The following DNAH12 variants were observed in gnomAD, a reference collection of about 807,000 sequenced individuals.
DNAH12 encodes axonemal beta dynein heavy chain 12.
A neutral mutation model predicts 371.5 loss-of-function variants in DNAH12; 285 were observed. The ratio of observed to expected loss-of-function variants is 0.77; its 90% confidence interval spans 0.70 to 0.85. DNAH12 has a LOEUF of 0.85. Ranked by LOEUF, DNAH12 falls within the 40% of genes least tolerant of loss-of-function variation. DNAH12 has a pLI of 0.00. For synonymous variants in DNAH12, 1,200 were observed against 1,213.0 expected (o/e 0.99, Z 0.22); for missense variants, 3,611 against 3,689.4 (o/e 0.98, Z 0.55).
rs2065148117 is a variant in DNAH12, at chr3:57,437,029, T to C, written c.4577A>G (p.Asn1526Ser). ...TTTAACAGGCTGAAGATTATGTACA[T>C]TGCAGGCTTCATGAGCACATTCCAA... ...EFLECAHEAC[N>S]VHNLQPVKFF... The change falls in exon 30 of 74, where the codon AAT becomes AGT. Residue 1526 changes from asparagine (N) to serine (S), a missense_variant. Physicochemically the swap from Asn to Ser is conservative, Grantham distance 46. Transcript: ENST00000495027. 1 of 1,518,648 alleles carries C rather than the reference T, an allele frequency of 6.6e-7. No individual in the cohort carries two copies. The highest frequency in any genetic ancestry group is 8.8e-7 in the Non-Finnish European group (1 of 1,138,618). The allele number at this position is 1,518,648 out of a possible 1,614,324, so 94.1% of individuals were successfully genotyped here. A position where few individuals can be genotyped will look rare whatever the true frequency, so the allele number is the denominator to read the frequency against.
At chr3:57,436,355 TA>T (rs2065125067) in intron 30 of DNAH12, among the ~76,000 whole-genome samples, 2 of 152,188 alleles carry the variant, frequency 1.3e-5, no homozygotes, top group Non-Finnish European at 2.9e-5. Context: ...TCCTGAAGTT[TA>T]AACTCTATTA....
At chr3:57,463,854 G>A (rs1013288125) in intron 17 of DNAH12, among the ~76,000 whole-genome samples, 3 of 151,836 alleles carry the variant, frequency 2.0e-5, no homozygotes, top group African/African-American at 4.8e-5. Flanking sequence ...TGCAACCTCC[G>A]CCTTCTGGAT....
At chr3:57,524,018 C>T (rs1416345748) in intron 2 of DNAH12, 134 bp from the exon 3 acceptor site, 20 of 521,332 alleles carry the variant, frequency 3.8e-5, no homozygotes, top group Non-Finnish European at 6.3e-6. Context: ...TTATGAGAAA[C>T]AAATCCCAAT....
intron 58 of DNAH12, among the ~76,000 whole-genome samples, chr3:57,362,033 C>G (rs1298554240): frequency 6.6e-6 from 1 of 151,036 alleles, no homozygotes; most frequent in African/African-American, 2.4e-5. Context: ...CCCATGACAG[C>G]TCCCAGTGTA....
chr3:57,541,336 G>A lies in DNAH12; in HGVS notation c.170+1365C>T, dbSNP rs1375334706. On this transcript the variant is annotated intron_variant, in intron 2 of 73. Transcript: ENST00000495027. Reference sequence around the variant, plus strand: ...ATTACAGGTGTGAGCCACTGCACCCGGCCTCTCTTTTTCTTTTAAGACTAT... The same window carrying A: ...ATTACAGGTGTGAGCCACTGCACCCAGCCTCTCTTTTTCTTTTAAGACTAT... 1.1e-4 allele frequency among the ~76,000 whole-genome samples: 16 copies of A among 152,062 alleles called. 1 individual carries two copies. The highest frequency in any genetic ancestry group is 5.2e-4 in the Admixed American group (8 of 15,266).
chr3:57,455,003 T>A, intron 22 of DNAH12, 109 bp from the exon 23 acceptor site: 1 of 1,150,160 alleles, frequency 8.7e-7, no homozygotes, highest in Non-Finnish European at 1.2e-6. Context: ...GGCTAGAATG[T>A]CATATAGTCA....
At chr3:57,512,520 G>C (rs1037616052) in intron 4 of DNAH12, 4 of 152,204 alleles carry the variant, frequency 2.6e-5, no homozygotes, top group Admixed American at 6.5e-5. Context: ...CCCTGTGCAA[G>C]GATGGACACA....
rs1055616886 is a variant in DNAH12, at chr3:57,364,573, G to A, written c.9168-787C>T. Among the ~76,000 whole-genome samples the A allele has an allele frequency of 1.6e-4, 24 of 152,010 alleles. No individual in the cohort carries two copies. In the South Asian group the frequency reaches 4.8e-3, roughly 30 times the overall value. On this transcript the variant is annotated intron_variant, in intron 57 of 73. Transcript: ENST00000495027. ...TTATAGGCACAGGCAAAGATTTCAC[G>A]ACAAAAACATCAAAAGCAACTGCAA... is the stretch of plus-strand genomic sequence containing the variant.
chr3:57,318,561 A>C (rs1167340930), intron 65 of DNAH12, among the ~76,000 whole-genome samples: 1 of 152,024 alleles, frequency 6.6e-6, no homozygotes, highest in Non-Finnish European at 1.5e-5. Context: ...CTAAACCCCA[A>C]AACCCAAAAT....
chr3:57,353,979 C>T (rs1364679210), intron 59 of DNAH12, among the ~76,000 whole-genome samples: 1 of 152,138 alleles, frequency 6.6e-6, no homozygotes, highest in Non-Finnish European at 1.5e-5. Flanking sequence ...TCTCAAAGAA[C>T]TTAAAACAGA....
At chr3:57,415,978 G>T (rs1001448074) in intron 37 of DNAH12, among the ~76,000 whole-genome samples, 1 of 151,446 alleles carries the variant, frequency 6.6e-6, no homozygotes, top group Non-Finnish European at 1.5e-5. Context: ...TAGTAGAGAC[G>T]GGTTTCACCG....
At chr3:57,551,260 A>ATTAT in the DNAH12 span, among the ~76,000 whole-genome samples, 3,256 of 150,788 alleles carry the variant, frequency 0.022, 104 homozygotes, top group African/African-American at 0.07. Flanking sequence ...TGTATACAAA[A>ATTAT]TTATTTATTT....
At chr3:57,481,504 T>C (rs1456745451) in intron 13 of DNAH12, among the ~76,000 whole-genome samples, 1 of 151,936 alleles carries the variant, frequency 6.6e-6, no homozygotes, top group Non-Finnish European at 1.5e-5. Flanking sequence ...CCCAAGGTAA[T>C]TTATAGATTC....
chr3:57,379,842 CAAAAAAA>C (rs1170490495), intron 51 of DNAH12, among the ~76,000 whole-genome samples: 14 of 22,376 alleles, frequency 6.3e-4, no homozygotes, highest in East Asian at 3.0e-3. Context: ...CTCTGTCTCC[CAAAAAAA>C]AAAAAAAAAA....
At chr3:57,453,582 G>T (rs2065819436) in intron 23 of DNAH12, among the ~76,000 whole-genome samples, 179 bp from the exon 24 acceptor site, 1 of 151,916 alleles carries the variant, frequency 6.6e-6, no homozygotes, top group Non-Finnish European at 1.5e-5. Flanking sequence ...AAGATGGGAG[G>T]ATCTTCTTTT....
At chr3:57,399,783 T>C (rs1292841589) in intron 43 of DNAH12, among the ~76,000 whole-genome samples, 4 of 152,238 alleles carry the variant, frequency 2.6e-5, no homozygotes, top group Non-Finnish European at 5.9e-5. Context: ...TGAAGACCTT[T>C]GTGATGATCC....
intron 59 of DNAH12, among the ~76,000 whole-genome samples, chr3:57,356,939 C>T (rs1358085498): frequency 2.0e-5 from 3 of 151,808 alleles, no homozygotes; most frequent in Non-Finnish European, 2.9e-5. Flanking sequence ...TATGGGGTTT[C>T]ATCATGTTGG....
intron 69 of DNAH12, among the ~76,000 whole-genome samples, chr3:57,303,570 C>T (rs886963531): frequency 6.6e-6 from 1 of 151,866 alleles, no homozygotes; most frequent in Non-Finnish European, 1.5e-5. Context: ...CGCTACCACG[C>T]CTGGATAATT....
At chr3:57,541,158 G>C (rs577276871) in intron 2 of DNAH12, among the ~76,000 whole-genome samples, 15 of 151,122 alleles carry the variant, frequency 9.9e-5, no homozygotes, top group Non-Finnish European at 1.9e-4. Context: ...TCCTGCCTCC[G>C]CCTCCTGAGT....
Sources: allele counts gnomAD v4.1 joint callset (sites outside exome capture counted in the v4.1 genomes callset), GRCh38; gene constraint gnomAD v4.1.1; transcripts MANE v1.5; gene names NCBI Gene and HGNC (gene_info 2026-07-23, HGNC 2026-07-21).